Variants in TNKS observed in about 807,000 individuals in gnomAD.
TNKS encodes poly [ADP-ribose] polymerase tankyrase-1.
Under a neutral mutation model 135.8 loss-of-function variants are expected in TNKS, and 72 were observed. The observed-to-expected ratio is 0.53, with a 90% confidence interval of 0.44 to 0.64. The LOEUF (loss-of-function observed/expected upper bound fraction) is 0.64, where lower values mean the gene tolerates loss of function less well. TNKS is among the 30% of genes least tolerant of loss of function. The pLI is 0.00. For synonymous variants in TNKS, 849 were observed against 649.3 expected, an observed-to-expected ratio of 1.31 and a Z score of -4.68; for missense variants, 1,769 against 1,674.0, an observed-to-expected ratio of 1.06 and a Z score of -0.99.
chr8:9,583,678 A>G (rs1282655485), intron 2 of TNKS, among the ~76,000 whole-genome samples: 4 of 151,848 alleles, frequency 2.6e-5, no homozygotes, highest in Admixed American at 6.6e-5. Flanking sequence ...TATTAGAGAC[A>G]GGGTTTGACC....
intron 2 of TNKS, among the ~76,000 whole-genome samples, chr8:9,607,734 A>C (rs1799285397): frequency 6.6e-6 from 1 of 152,182 alleles, no homozygotes; most frequent in Non-Finnish European, 1.5e-5. Context: ...AAGTCTATGA[A>C]TTTGGGAGCC....
chr8:9,580,059 A>T, intron 1 of TNKS, 100 bp from the exon 2 acceptor site: 1 of 927,562 alleles, frequency 1.1e-6, no homozygotes, highest in South Asian at 1.5e-5. Context: ...AGAGTGCAGT[A>T]CTTCAGTTGT....
chr8:9,745,499 G>C (rs1436978166), intron 17 of TNKS, among the ~76,000 whole-genome samples: 2 of 152,144 alleles, frequency 1.3e-5, no homozygotes, highest in African/African-American at 4.8e-5. Context: ...CCGTCTCCCA[G>C]ATTCAAGCGA....
At chr8:9,594,534 C>A (rs955733683) in intron 2 of TNKS, among the ~76,000 whole-genome samples, 4 of 152,102 alleles carry the variant, frequency 2.6e-5, no homozygotes, top group African/African-American at 7.2e-5. Flanking sequence ...TGCTGTTAGA[C>A]CCAGTGAACC....
intron 1 of TNKS, among the ~76,000 whole-genome samples, chr8:9,568,328 G>T (rs147084919): frequency 1.3e-5 from 2 of 152,262 alleles, no homozygotes; most frequent in East Asian, 3.9e-4. Context: ...GCAAGATTAT[G>T]GGAATGGAAT....
At chr8:9,653,344 A>G (rs944067387) in intron 3 of TNKS, among the ~76,000 whole-genome samples, 1 of 152,046 alleles carries the variant, frequency 6.6e-6, no homozygotes, top group African/African-American at 2.4e-5. Context: ...TCTGTAAAAC[A>G]TTGTCTTATT....
intron 2 of TNKS, among the ~76,000 whole-genome samples, chr8:9,597,563 T>C (rs1311974413): frequency 1.3e-5 from 2 of 152,352 alleles, no homozygotes; most frequent in Middle Eastern, 3.4e-3. Context: ...AGTGGAGATA[T>C]TGCATATAGG....
chr8:9,609,451 G>C (rs1371036176), intron 2 of TNKS, among the ~76,000 whole-genome samples: 1 of 152,200 alleles, frequency 6.6e-6, no homozygotes, highest in African/African-American at 2.4e-5. Context: ...CCCTTGTTGT[G>C]TGGGGAACAG....
chr8:9,654,537 T>A (rs559026120), intron 3 of TNKS, among the ~76,000 whole-genome samples: 1 of 152,230 alleles, frequency 6.6e-6, no homozygotes, highest in Non-Finnish European at 1.5e-5. Context: ...CATTGCAAAC[T>A]TAACCAAAAA....
At position 9,721,298 on chromosome 8, in the gene TNKS, T is replaced by TTATATATATATATATA. The variant is rs60138689; in HGVS notation, c.1921+767_1921+768insTATATATATATATATA. Among the ~76,000 whole-genome samples, 743 of 118,034 alleles carry TTATATATATATATATA rather than the reference T, an allele frequency of 6.3e-3. 15 individuals carry two copies. The highest frequency in any genetic ancestry group is 0.011 in the African/African-American group (377 of 34,450). 77.4% of individuals were successfully genotyped at this position (118,034 alleles called of 152,430 possible). ...TCTGTCTCAAAAATAAATAAATAAA[T>TTATATATATATATATA]TATATATATATATAAAATTATAAAA... On this transcript the variant is annotated intron_variant, in intron 12 of 26. Coordinates refer to ENST00000310430, the MANE Select transcript of TNKS (RefSeq NM_003747.3).
intron 3 of TNKS, among the ~76,000 whole-genome samples, chr8:9,652,538 A>G (rs1286868864): frequency 6.6e-6 from 1 of 152,196 alleles, no homozygotes; most frequent in Admixed American, 6.5e-5. Context: ...TTTTGTTTAA[A>G]TAAAATATGT....
chr8:9,633,024 C>T (rs1362671237), intron 3 of TNKS, among the ~76,000 whole-genome samples: 3 of 152,186 alleles, frequency 2.0e-5, no homozygotes, highest in South Asian at 4.1e-4. Flanking sequence ...CCACCGCACC[C>T]GGCCCTCTAT....
At chr8:9,759,661 CTGTA>C (rs1185364455) in intron 20 of TNKS, among the ~76,000 whole-genome samples, 3 of 152,110 alleles carry the variant, frequency 2.0e-5, no homozygotes, top group Non-Finnish European at 4.4e-5. Context: ...CAGACGTGCA[CTGTA>C]TGTATCAATC....
At chr8:9,581,427 C>A (rs1798161962) in intron 2 of TNKS, among the ~76,000 whole-genome samples, 1 of 152,244 alleles carries the variant, frequency 6.6e-6, no homozygotes, top group East Asian at 1.9e-4. Context: ...ACTGACTCTC[C>A]CATTTCCTCC....
intron 13 of TNKS, among the ~76,000 whole-genome samples, chr8:9,728,001 C>G (rs1805246485): frequency 6.6e-6 from 1 of 152,160 alleles, no homozygotes. Flanking sequence ...ATTAGGCTTC[C>G]TTTCAGAGCA....
chr8:9,673,739 G>A lies in TNKS; in HGVS notation c.995-6212G>A, dbSNP rs1417015150. On this transcript the variant is annotated intron_variant, in intron 3 of 26. Coordinates refer to ENST00000310430, the MANE Select transcript of TNKS (RefSeq NM_003747.3). Reference sequence around the variant, plus strand: ...ATTACAGGTGTGAGCCACCGCACCCGGCCTGGAATTTTTTTTCACAGCTGC... The same window carrying A: ...ATTACAGGTGTGAGCCACCGCACCCAGCCTGGAATTTTTTTTCACAGCTGC... Among the ~76,000 whole-genome samples, 10 of 152,000 alleles carry A rather than the reference G, an allele frequency of 6.6e-5. 1 individual carries two copies. Among genetic ancestry groups the A allele is most frequent in the African/African-American group, 9.7e-5 (4 of 41,386 alleles).
chr8:9,627,312 C>G (rs1800097195), intron 3 of TNKS, among the ~76,000 whole-genome samples: 1 of 152,166 alleles, frequency 6.6e-6, no homozygotes, highest in African/African-American at 2.4e-5. Context: ...TTTCTGATTT[C>G]TGTGAGCCAC....
chr8:9,580,817 A>T (rs1391015793), intron 2 of TNKS, among the ~76,000 whole-genome samples: 1 of 152,144 alleles, frequency 6.6e-6, no homozygotes, highest in Non-Finnish European at 1.5e-5. Flanking sequence ...GAGTGTTTTG[A>T]ATACAGTAGT....
intron 25 of TNKS, among the ~76,000 whole-genome samples, 163 bp from the exon 26 acceptor site, chr8:9,769,943 A>T (rs1394550298): frequency 6.6e-6 from 1 of 152,162 alleles, no homozygotes; most frequent in African/African-American, 2.4e-5. Context: ...TTTATAGCAA[A>T]TCATTATATC....
Sources: allele counts gnomAD v4.1 joint callset (sites outside exome capture counted in the v4.1 genomes callset), GRCh38; gene constraint gnomAD v4.1.1; transcripts MANE v1.5; gene names NCBI Gene and HGNC (gene_info 2026-07-23, HGNC 2026-07-21).